The following DIAPH3 variants were observed in gnomAD, a reference collection of about 807,000 sequenced individuals.
The protein encoded by DIAPH3 is protein diaphanous homolog 3.
DIAPH3 carries 117 observed loss-of-function variants against 144.3 expected under a neutral mutation model. The ratio of observed to expected loss-of-function variants is 0.81; its 90% CI spans 0.70 to 0.95. DIAPH3 has a LOEUF of 0.95. Ranked by LOEUF, DIAPH3 falls within the 40% of genes least tolerant of loss-of-function variation. The probability of loss-of-function intolerance (pLI) is 0.00; values close to 1 mark genes in which losing one functional copy is unlikely to be tolerated. For synonymous variants in DIAPH3, 519 were observed against 488.9 expected (o/e 1.06, Z -0.81); for missense variants, 1,421 against 1,412.7 (o/e 1.01, Z -0.09).
chr13:60,111,160 C>A (rs564295023), intron 3 of DIAPH3, among the ~76,000 whole-genome samples: 1 of 152,178 alleles, frequency 6.6e-6, no homozygotes, highest in South Asian at 2.1e-4. Context: ...GTGCACTTTA[C>A]GATCTTGAGT....
chr13:60,162,803 T>TCACACA (rs1459419844), intron 1 of DIAPH3, among the ~76,000 whole-genome samples: 3 of 138,554 alleles, frequency 2.2e-5, no homozygotes, highest in African/African-American at 7.8e-5. Flanking sequence ...TCTCTCTCTC[T>TCACACA]CTCTCTCACA....
chr13:59,803,954 G>C (rs1182591988), intron 25 of DIAPH3, among the ~76,000 whole-genome samples: 1 of 152,190 alleles, frequency 6.6e-6, no homozygotes, highest in African/African-American at 2.4e-5. Context: ...GGACGTGGAA[G>C]AATGTCTCAG....
At chr13:59,888,529 T>C (rs2045589953) in intron 20 of DIAPH3, among the ~76,000 whole-genome samples, 1 of 152,130 alleles carries the variant, frequency 6.6e-6, no homozygotes, top group Non-Finnish European at 1.5e-5. Context: ...ACTATGCCTC[T>C]TTTTATATTT....
intron 25 of DIAPH3, among the ~76,000 whole-genome samples, chr13:59,792,576 A>C (rs891634679): frequency 2.6e-5 from 4 of 152,166 alleles, no homozygotes; most frequent in Non-Finnish European, 5.9e-5. Flanking sequence ...AAATCTTGTC[A>C]CTACCCAGAG....
intron 5 of DIAPH3, among the ~76,000 whole-genome samples, chr13:60,031,731 T>TA (rs2054809557): frequency 9.1e-6 from 1 of 110,102 alleles, no homozygotes; most frequent in Non-Finnish European, 1.9e-5. Context: ...AGTCATTAAA[T>TA]CTTTTTTTTT....
At chr13:59,842,937 T>C (rs1322871534) in intron 22 of DIAPH3, among the ~76,000 whole-genome samples, 1 of 152,174 alleles carries the variant, frequency 6.6e-6, no homozygotes. Flanking sequence ...TCAGTCTTTA[T>C]TGAAGCCTCA....
chr13:60,013,027 G>A (rs2053384714), intron 7 of DIAPH3: 7 of 985,264 alleles, frequency 7.1e-6, no homozygotes, highest in South Asian at 4.7e-5. Flanking sequence ...TGTTGACTCT[G>A]TGTGAGAAGT....
intron 21 of DIAPH3, among the ~76,000 whole-genome samples, chr13:59,863,474 A>T (rs2043724703): frequency 6.6e-6 from 1 of 152,186 alleles, no homozygotes; most frequent in Admixed American, 6.6e-5. Flanking sequence ...TCACTATCAG[A>T]AAAATACCAA....
chr13:59,796,303 A>G (rs1593880376), intron 25 of DIAPH3, among the ~76,000 whole-genome samples: 1 of 152,212 alleles, frequency 6.6e-6, no homozygotes, highest in East Asian at 1.9e-4. Flanking sequence ...CTTTTATGAC[A>G]AGACTAAGTA....
intron 27 of DIAPH3, among the ~76,000 whole-genome samples, chr13:59,670,917 C>A (rs2032338091): frequency 6.6e-6 from 1 of 152,076 alleles, no homozygotes; most frequent in Non-Finnish European, 1.5e-5. Context: ...GGCAACAAAG[C>A]CAGGCTGGGG....
intron 3 of DIAPH3, among the ~76,000 whole-genome samples, chr13:60,108,454 C>A (rs1465220059): frequency 6.6e-6 from 1 of 151,786 alleles, no homozygotes; most frequent in Non-Finnish European, 1.5e-5. Flanking sequence ...ACCAAAAATA[C>A]AAAAATTAGC....
chr13:59,911,664 G>T (rs531595085), intron 20 of DIAPH3, 71 bp downstream of exon 20: 8 of 1,108,082 alleles, frequency 7.2e-6, no homozygotes, highest in African/African-American at 1.5e-5. Flanking sequence ...TACATTTAGC[G>T]ATATAAAAAC....
intron 2 of DIAPH3, among the ~76,000 whole-genome samples, chr13:60,128,209 C>T (rs913473107): frequency 7.2e-5 from 11 of 152,140 alleles, no homozygotes; most frequent in African/African-American, 2.7e-4. Flanking sequence ...TGGCCTCCAG[C>T]TCCATCCATG....
intron 20 of DIAPH3, among the ~76,000 whole-genome samples, chr13:59,882,808 C>T (rs772643965): frequency 6.6e-6 from 1 of 152,016 alleles, no homozygotes; most frequent in African/African-American, 2.4e-5. Context: ...ATTCACGAAA[C>T]CCAAATCTGA....
chr13:59,810,989 T>C, intron 24 of DIAPH3, 66 bp from the exon 25 acceptor site: 3 of 1,375,114 alleles, frequency 2.2e-6, no homozygotes, highest in Non-Finnish European at 2.0e-6. Context: ...GAAAGTTATC[T>C]ATTTGAAAAT....
In DIAPH3 at chr13:60,158,381, C is replaced by T. The variant is rs562176441; in HGVS notation, c.180+5206G>A. Reference sequence around the variant, plus strand: ...TTGTTAATCCTCTTTGTTCTGGGGCCTGCATGCCTGGAAGGATTTGGCTGC... The same window carrying T: ...TTGTTAATCCTCTTTGTTCTGGGGCTTGCATGCCTGGAAGGATTTGGCTGC... On this transcript the variant is annotated intron_variant, in intron 1 of 27. Transcript: ENST00000400324. Among the ~76,000 whole-genome samples, 12 of 152,292 alleles carry T rather than the reference C, an allele frequency of 7.9e-5. No homozygotes were observed. The East Asian group carries it at 2.1e-3, about 27-fold the overall frequency.
At chr13:59,871,116 A>C (rs550516157) in intron 21 of DIAPH3, among the ~76,000 whole-genome samples, 8 of 151,634 alleles carry the variant, frequency 5.3e-5, no homozygotes, top group African/African-American at 1.7e-4. Context: ...TGGCTTTTTA[A>C]ATTAGGTGAC....
At position 60,035,769 on chromosome 13, in the gene DIAPH3, T is replaced by C. The variant is rs920654098; in HGVS notation, c.626+6921A>G. 1.6e-4 allele frequency among the ~76,000 whole-genome samples: 25 copies of C among 152,192 alleles called. 1 individual carries two copies. Among genetic ancestry groups the C allele is most frequent in the Admixed American group, 1.5e-3 (23 of 15,270 alleles). On this transcript the variant is annotated intron_variant, in intron 5 of 27. Coordinates refer to ENST00000400324, the MANE Select transcript of DIAPH3 (RefSeq NM_001042517.2). ...ACAATATTAATAACCTACCTAATAC[T>C]TTTTGACTTCTTATTGGAAAGTAAT...
chr13:60,143,159 C>T (rs1951353425), intron 1 of DIAPH3, among the ~76,000 whole-genome samples: 1 of 152,162 alleles, frequency 6.6e-6, no homozygotes, highest in Admixed American at 6.6e-5. Context: ...TACCGCAGTC[C>T]TCTCCCTCTC....
Sources: gnomAD v4.1 joint callset for allele counts (sites outside exome capture counted in the v4.1 genomes callset) on GRCh38, gnomAD v4.1.1 for gene constraint, MANE v1.5 for transcripts, NCBI Gene and HGNC (gene_info 2026-07-23, HGNC 2026-07-21) for gene names.